OPTN: variants seen among roughly 807,000 people sequenced by gnomAD.
OPTN encodes optineurin.
OPTN carries 54 observed loss-of-function variants against 70.4 expected under a neutral mutation model. That is an observed-to-expected ratio of 0.77 (90% CI 0.62 to 0.96). The LOEUF (loss-of-function observed/expected upper bound fraction) is 0.96, where lower values mean the gene tolerates loss of function less well. Among genes scored for constraint, OPTN ranks in the 40% least tolerant of loss-of-function variants. OPTN has a pLI of 0.00. For synonymous variants in OPTN, 256 were observed against 248.5 expected (o/e 1.03, Z -0.28); for missense variants, 624 against 673.2 (o/e 0.93, Z 0.81).
At chr10:13,119,160 C>A (rs778087259) in intron 7 of OPTN, 120 bp downstream of exon 7, 69 of 977,226 alleles carry the variant, frequency 7.1e-5, no homozygotes, top group Non-Finnish European at 9.9e-5. Flanking sequence ...TAGAATATTC[C>A]AGGATTGTGC....
rs1169112697 is a variant in OPTN, at chr10:13,130,866, TTAAG to T, written c.1402-1199_1402-1196del. ...GACAGCATTAAATATTAAAACACTA[TTAAG>T]TGTTTTGTTATTTATAATTTTTTAA... On this transcript the variant is annotated intron_variant, in intron 12 of 14. Coordinates refer to ENST00000378747, the MANE Select transcript of OPTN (RefSeq NM_001008212.2). Among the ~76,000 whole-genome samples, 9 of 152,252 alleles carry T rather than the reference TTAAG, an allele frequency of 5.9e-5. No individual in the cohort carries two copies. In the East Asian group the frequency reaches 7.7e-4, roughly 13 times the overall value.
At position 13,108,544 on chromosome 10, in the gene OPTN, CTT is replaced by C. The variant is rs34105780; in HGVS notation, c.-12+269_-12+270del. Among the ~76,000 whole-genome samples, 563 of 139,364 alleles carry C rather than the reference CTT, an allele frequency of 4.0e-3. 6 individuals are homozygous for C. Among genetic ancestry groups the C allele is most frequent in the African/African-American group, 0.012 (439 of 37,656 alleles). The allele number at this position is 139,364 out of a possible 152,430, so 91.4% of individuals were successfully genotyped here. Reference sequence around the variant, plus strand: ...CCATTTCCCAAATCCTTATTGTACCCTTTTTTTTTTTTTTTGGTTTGAGACGG... The same window carrying C: ...CCATTTCCCAAATCCTTATTGTACCCTTTTTTTTTTTTTGGTTTGAGACGG... On this transcript the variant is annotated intron_variant, in intron 2 of 14. Coordinates refer to ENST00000378747, the MANE Select transcript of OPTN (RefSeq NM_001008212.2).
rs1402791510 is a variant in OPTN at position 13,132,211 on chromosome 10, A to G, written c.1532+14A>G. On this transcript the variant is annotated intron_variant, in intron 13 of 14. Coordinates refer to ENST00000378747, the MANE Select transcript of OPTN (RefSeq NM_001008212.2). ...AGACGGAGGCAGGTAAGGAAAAGAGAGAGGAGGACCCAGAGCTCACATCAG... is the reference window on the plus strand; with the variant it reads ...AGACGGAGGCAGGTAAGGAAAAGAGGGAGGAGGACCCAGAGCTCACATCAG... 3 of 1,610,992 alleles carry G rather than the reference A, an allele frequency of 1.9e-6. No homozygotes were observed. The highest frequency in any genetic ancestry group is 2.5e-6 in the Non-Finnish European group (3 of 1,177,998).
Position 13,114,822 on chromosome 10 carries a change from T to TTATATAATTATATAACGTA in OPTN, c.553-1430_553-1429insCGTATATATAATTATATAA, listed in dbSNP as rs1363464960. On this transcript the variant is annotated intron_variant, in intron 5 of 14. Coordinates refer to ENST00000378747, the MANE Select transcript of OPTN (RefSeq NM_001008212.2). ...TATATACATATATATAATTATATAATTATATAATTATATAATTATATAATT... is the reference window on the plus strand; with the variant it reads ...TATATACATATATATAATTATATAATTATATAATTATATAACGTATATATAATTATATAATTATATAATT... Among the ~76,000 whole-genome samples the TTATATAATTATATAACGTA allele has an allele frequency of 8.8e-4, 93 of 105,660 alleles. 11 individuals are homozygous for TTATATAATTATATAACGTA. Among genetic ancestry groups the TTATATAATTATATAACGTA allele is most frequent in the Non-Finnish European group, 1.3e-3 (71 of 56,632 alleles). The allele number at this position is 105,660 out of a possible 152,430, so 69.3% of individuals were successfully genotyped here.
At chr10:13,109,376 C>T (rs1223503599) in intron 3 of OPTN, 88 bp downstream of exon 3, 4 of 1,367,178 alleles carry the variant, frequency 2.9e-6, no homozygotes, top group Non-Finnish European at 4.1e-6. Context: ...TGGTGAGCTC[C>T]CTTCTCCCCG....
intron 1 of OPTN, among the ~76,000 whole-genome samples, chr10:13,106,795 A>T (rs1338302456): frequency 6.6e-6 from 1 of 152,252 alleles, no homozygotes; most frequent in Non-Finnish European, 1.5e-5. Flanking sequence ...CATAGATATC[A>T]TGACACAGTT....
chr10:13,114,263 C>A (rs1300770239), intron 5 of OPTN, among the ~76,000 whole-genome samples: 1 of 152,108 alleles, frequency 6.6e-6, no homozygotes, highest in Non-Finnish European at 1.5e-5. Flanking sequence ...CTCTGAATAA[C>A]CCTGCCATCC....
rs564676823 is a variant in OPTN at position 13,122,326 on chromosome 10, T to C, written c.780-59T>C. ...GTTCTTTTTAGTACTTCTGTAATAA[T>C]TGCTATTTCTCTTAAAGCCAAAGAG... On this transcript the variant is annotated intron_variant, in intron 7 of 14. Coordinates refer to ENST00000378747, the MANE Select transcript of OPTN (RefSeq NM_001008212.2). 2.4e-3 allele frequency: 2,746 copies of C among 1,151,106 alleles called. 6 individuals carry two copies. Among genetic ancestry groups the C allele is most frequent in the Non-Finnish European group, 2.3e-3 (1,752 of 765,382 alleles). 71.3% of individuals were successfully genotyped at this position (1,151,106 alleles called of 1,614,324 possible).
At chr10:13,126,073 G>C (rs1040209697) in intron 11 of OPTN, 34 bp downstream of exon 11, 2 of 1,232,360 alleles carry the variant, frequency 1.6e-6, no homozygotes, top group Non-Finnish European at 2.4e-6. Context: ...CCATAGCCTA[G>C]TAATGAACAG....
rs1284959698 is a variant in OPTN, at chr10:13,114,795, T to TATATATAC, written c.553-1464_553-1457dup. On this transcript the variant is annotated intron_variant, in intron 5 of 14. Transcript: ENST00000378747. ...TTATATAATTATATAATTATATAAT[T>TATATATAC]ATATATACATATATATAATTATATA... is the stretch of plus-strand genomic sequence containing the variant. Among the ~76,000 whole-genome samples the TATATATAC allele has an allele frequency of 8.3e-5, 8 of 96,244 alleles. 1 individual carries two copies. In the East Asian group the frequency reaches 1.1e-3, roughly 13 times the overall value. 63.1% of individuals were successfully genotyped at this position (96,244 alleles called of 152,430 possible).
At chr10:13,122,952 GAT>G (rs763586666) in intron 8 of OPTN, 27 of 198,036 alleles carry the variant, frequency 1.4e-4, no homozygotes, top group Admixed American at 7.3e-4. Context: ...TGGGATTACA[GAT>G]ATGAGCCACT....
intron 1 of OPTN, among the ~76,000 whole-genome samples, chr10:13,104,974 ATT>A (rs1047824809): frequency 6.6e-6 from 1 of 151,728 alleles, no homozygotes; most frequent in Non-Finnish European, 1.5e-5. Flanking sequence ...TAATTTATGT[ATT>A]TTTAGTAGAG....
Position 13,122,664 on chromosome 10 carries a change from C to T in OPTN, c.882+177C>T, listed in dbSNP as rs112801155. On this transcript the variant is annotated intron_variant, in intron 8 of 14. Coordinates refer to ENST00000378747, the MANE Select transcript of OPTN (RefSeq NM_001008212.2). ...TTGTCCTGCTCTGTGTCAATTGTAGCGAGATGTATTTCTTTTTTGTTGTTG... is the reference window on the plus strand; with the variant it reads ...TTGTCCTGCTCTGTGTCAATTGTAGTGAGATGTATTTCTTTTTTGTTGTTG... Among the ~76,000 whole-genome samples, 5 of 152,124 alleles carry T rather than the reference C, an allele frequency of 3.3e-5. No homozygotes were observed. In the South Asian group the frequency reaches 8.3e-4, roughly 25 times the overall value.
intron 1 of OPTN, among the ~76,000 whole-genome samples, chr10:13,107,548 T>G (rs539914554): frequency 8.6e-5 from 13 of 151,264 alleles, no homozygotes; most frequent in African/African-American, 3.1e-4. Flanking sequence ...TTGGCTAATT[T>G]TTTGTATTTT....
intron 14 of OPTN, among the ~76,000 whole-genome samples, chr10:13,136,000 A>G (rs902334432): frequency 6.6e-6 from 1 of 152,132 alleles, no homozygotes; most frequent in Non-Finnish European, 1.5e-5. Context: ...CAGCCTGGGC[A>G]ACATAGTGAG....
intron 3 of OPTN, chr10:13,109,534 A>T (rs572228851): frequency 4.1e-6 from 2 of 484,618 alleles, no homozygotes; most frequent in South Asian, 4.4e-5. Flanking sequence ...CCCATTCAAA[A>T]GGAAAAAGAG....
rs138489913 is a variant in OPTN at position 13,116,274 on chromosome 10, A to C, written c.560A>C (p.Glu187Ala). The C allele has an allele frequency of 6.2e-7, 1 of 1,606,922 alleles. No homozygotes were observed. Among genetic ancestry groups the C allele is most frequent in the Non-Finnish European group, 8.5e-7 (1 of 1,173,524 alleles). Residue 187 changes from glutamate (E) to alanine (A), a missense_variant, in exon 6 of 15, where the codon GAA becomes GCA. Transcript: ENST00000378747. The part of the protein sequence containing the change: ...SFVEIRMAEG[E>A]AEGSVKEIKH... ...GCATTTCTGTTTTCACAGGAAGGAG[A>C]AGCAGAAGGGTCAGTAAAAGAAATC...
intron 6 of OPTN, among the ~76,000 whole-genome samples, chr10:13,117,335 C>T (rs983732484): frequency 7.2e-5 from 11 of 151,742 alleles, no homozygotes; most frequent in Non-Finnish European, 1.2e-4. Flanking sequence ...CCGCCTTGGC[C>T]TCCCAAAGCG....
chr10:13,113,476 C>T (rs918499587), intron 5 of OPTN, among the ~76,000 whole-genome samples: 2 of 152,134 alleles, frequency 1.3e-5, no homozygotes, highest in Non-Finnish European at 2.9e-5. Context: ...TACTCAGGAG[C>T]CTCTGAGAAC....
Sources: gnomAD v4.1 joint callset for allele counts (sites outside exome capture counted in the v4.1 genomes callset) on GRCh38, gnomAD v4.1.1 for gene constraint, MANE v1.5 for transcripts, NCBI Gene and HGNC (gene_info 2026-07-23, HGNC 2026-07-21) for gene names.